Variants in ASIC2 observed in about 807,000 individuals in gnomAD.
The protein encoded by ASIC2 is acid sensing ion channel subunit 2.
Under a neutral mutation model 57.3 loss-of-function variants are expected in ASIC2, and 25 were observed. The ratio of observed to expected loss-of-function variants is 0.44; its 90% CI spans 0.32 to 0.61. The LOEUF (loss-of-function observed/expected upper bound fraction) is 0.61, where lower values mean the gene tolerates loss of function less well. Among genes scored for constraint, ASIC2 ranks in the 20% least tolerant of loss-of-function variants. The pLI, the probability that ASIC2 is intolerant of heterozygous loss-of-function variation, is 0.06. For synonymous variants in ASIC2, 319 were observed against 307.5 expected (o/e 1.04, Z -0.39); for missense variants, 641 against 738.1 (o/e 0.87, Z 1.52).
intron 1 of ASIC2, among the ~76,000 whole-genome samples, chr17:33,543,641 G>A (rs1352994149): frequency 4.6e-5 from 7 of 152,100 alleles, no homozygotes; most frequent in African/African-American, 7.2e-5. Context: ...TACCATTATC[G>A]AGCATTTATT....
intron 1 of ASIC2, among the ~76,000 whole-genome samples, chr17:34,131,259 G>A (rs1022204178): frequency 5.9e-5 from 9 of 152,178 alleles, no homozygotes; most frequent in African/African-American, 2.2e-4. Context: ...ATTGAGAGCT[G>A]TGTTTCAGAC....
At chr17:33,171,250 G>T (rs923897480) in intron 1 of ASIC2, among the ~76,000 whole-genome samples, 1 of 152,160 alleles carries the variant, frequency 6.6e-6, no homozygotes, top group Non-Finnish European at 1.5e-5. Flanking sequence ...CAAAGCCATT[G>T]GTTTCAGTTG....
intron 1 of ASIC2, among the ~76,000 whole-genome samples, chr17:33,184,210 G>A (rs1906097572): frequency 6.6e-6 from 1 of 152,126 alleles, no homozygotes. Flanking sequence ...TAGTATAAAA[G>A]CAGAATGAAG....
At chr17:33,410,403 T>C (rs1354492) in intron 1 of ASIC2, among the ~76,000 whole-genome samples, 78,756 of 152,118 alleles carry the variant, frequency 0.52, 21,413 homozygotes, top group East Asian at 0.85. Context: ...AAGAAACCTA[T>C]CTTTAGCTTA....
chr17:33,741,799 T>C (rs1910120672), intron 1 of ASIC2, among the ~76,000 whole-genome samples: 1 of 152,210 alleles, frequency 6.6e-6, no homozygotes, highest in Admixed American at 6.5e-5. Flanking sequence ...GCATTGATTC[T>C]TGCTGACATT....
intron 3 of ASIC2, among the ~76,000 whole-genome samples, chr17:33,066,755 G>A (rs552347386): frequency 2.2e-4 from 33 of 152,260 alleles, no homozygotes; most frequent in African/African-American, 7.7e-4. Context: ...TGGAAACCAC[G>A]GCTTAGAGCT....
At chr17:33,932,864 G>C (rs115033358) in intron 1 of ASIC2, among the ~76,000 whole-genome samples, 2,223 of 150,852 alleles carry the variant, frequency 0.015, 64 homozygotes, top group African/African-American at 0.051. Flanking sequence ...GGGCAATGCT[G>C]TCCTAGAAGC....
intron 1 of ASIC2, among the ~76,000 whole-genome samples, chr17:33,284,678 C>G (rs1337201551): frequency 6.6e-6 from 1 of 152,178 alleles, no homozygotes; most frequent in Non-Finnish European, 1.5e-5. Flanking sequence ...GGCTTTGAAG[C>G]TGGACTGATC....
intron 1 of ASIC2, among the ~76,000 whole-genome samples, chr17:33,345,354 A>G (rs1307000928): frequency 2.0e-5 from 3 of 152,242 alleles, no homozygotes; most frequent in Admixed American, 6.5e-5. Flanking sequence ...CAAGATCCCT[A>G]TCCTCACATA....
intron 1 of ASIC2, chr17:34,142,872 A>C (rs1912309073): frequency 6.6e-6 from 1 of 152,180 alleles, no homozygotes; most frequent in Admixed American, 6.6e-5. Flanking sequence ...AGGGATACTC[A>C]TTTCCTCATG....
intron 1 of ASIC2, among the ~76,000 whole-genome samples, chr17:33,422,198 G>C (rs1008396145): frequency 2.6e-5 from 4 of 152,188 alleles, no homozygotes; most frequent in African/African-American, 9.7e-5. Flanking sequence ...TGCAAGTTCT[G>C]TTTTTATCTC....
At chr17:33,348,182 C>A (rs534779725) in intron 1 of ASIC2, among the ~76,000 whole-genome samples, 3 of 152,212 alleles carry the variant, frequency 2.0e-5, no homozygotes, top group South Asian at 2.1e-4. Flanking sequence ...GGACCTTCTA[C>A]GTGGATTTAG....
intron 1 of ASIC2, among the ~76,000 whole-genome samples, chr17:33,930,160 A>G (rs1210611556): frequency 3.3e-5 from 5 of 152,250 alleles, no homozygotes; most frequent in Non-Finnish European, 5.9e-5. Flanking sequence ...GGCTGCAAAC[A>G]TCAGTAATTC....
rs57042563 is a variant in ASIC2, at chr17:33,346,226, C to CA, written c.556-234160dup. ...TGGGTGACAGAGAGAGATTCCCTCT[C>CA]AAAAAAAAAAAAAAAAAAAAAAAAA... is the stretch of plus-strand genomic sequence containing the variant. On this transcript the variant is annotated intron_variant, in intron 1 of 9. Coordinates refer to the ASIC2 transcript ENST00000359872. Among the ~76,000 whole-genome samples, 314 of 57,782 alleles carry CA rather than the reference C, an allele frequency of 5.4e-3. 19 individuals are homozygous for CA. The highest frequency in any genetic ancestry group is 0.011 in the African/African-American group (149 of 12,968). 37.9% of individuals were successfully genotyped at this position (57,782 alleles called of 152,430 possible).
intron 1 of ASIC2, chr17:33,834,275 G>A (rs926722649): frequency 6.6e-6 from 1 of 152,244 alleles, no homozygotes; most frequent in Non-Finnish European, 1.5e-5. Context: ...CAGAGCCAGG[G>A]CAGGGAGTTT....
In ASIC2 at chr17:33,197,975, G is replaced by A. The variant is rs537215018; in HGVS notation, c.709-85908C>T. On this transcript the variant is annotated intron_variant, in intron 1 of 9. Coordinates refer to ENST00000225823, the MANE Select transcript of ASIC2 (RefSeq NM_183377.2). ...CTCGTCCTGGGCCTCACAGATGTTA[G>A]TGGGGAACCTGGCTCCTGGGAACAT... Among the ~76,000 whole-genome samples the A allele has an allele frequency of 5.3e-5, 8 of 152,334 alleles. No homozygotes were observed. In the South Asian group the frequency reaches 1.7e-3, roughly 32 times the overall value.
At chr17:33,200,661 C>G (rs1906821909) in intron 1 of ASIC2, among the ~76,000 whole-genome samples, 1 of 152,180 alleles carries the variant, frequency 6.6e-6, no homozygotes, top group Admixed American at 6.5e-5. Flanking sequence ...ATGGCCCCTT[C>G]TTATCACCCC....
chr17:33,556,945 G>A (rs1178110182), intron 1 of ASIC2, among the ~76,000 whole-genome samples: 1 of 152,206 alleles, frequency 6.6e-6, no homozygotes, highest in African/African-American at 2.4e-5. Context: ...CACAGGTGAG[G>A]GAGGAATGGT....
intron 1 of ASIC2, among the ~76,000 whole-genome samples, chr17:33,586,325 C>A: frequency 6.6e-6 from 1 of 152,120 alleles, no homozygotes; most frequent in East Asian, 1.9e-4. Context: ...CTATTGTAAC[C>A]TGCTCGGGTG....
Sources: allele counts gnomAD v4.1 joint callset (sites outside exome capture counted in the v4.1 genomes callset), GRCh38; gene constraint gnomAD v4.1.1; transcripts MANE v1.5; gene names NCBI Gene and HGNC (gene_info 2026-07-23, HGNC 2026-07-21).